The following CEP63 variants were observed in gnomAD, a reference collection of about 807,000 sequenced individuals.
CEP63 encodes centrosomal protein 63, also known as centrosomal protein of 63 kDa.
Under a neutral mutation model 89.1 loss-of-function variants are expected in CEP63, and 84 were observed. That is an observed-to-expected ratio of 0.94 (90% CI 0.79 to 1.13). CEP63 has a LOEUF of 1.13. CEP63 is among the 50% of genes most tolerant of loss of function. CEP63 has a pLI of 0.00. For synonymous variants in CEP63, 267 were observed against 272.5 expected (o/e 0.98, Z 0.20); for missense variants, 838 against 813.3 (o/e 1.03, Z -0.37).
intron 3 of CEP63, 104 bp downstream of exon 3, chr3:134,507,390 AGTTT>A (rs1164779437): frequency 2.0e-5 from 17 of 846,884 alleles, no homozygotes; most frequent in Non-Finnish European, 3.2e-5. Context: ...ATACCAAGTT[AGTTT>A]ATTGTTTTTT....
chr3:134,734,028 G>A, the CEP63 span, among the ~76,000 whole-genome samples: 8 of 152,138 alleles, frequency 5.3e-5, no homozygotes, highest in African/African-American at 1.9e-4. Flanking sequence ...TAGCCAATGT[G>A]ATTAGATATG....
intron 6 of CEP63, 101 bp downstream of exon 6, chr3:134,537,369 TTC>T (rs1348613689): frequency 7.8e-6 from 6 of 767,642 alleles, no homozygotes; most frequent in African/African-American, 1.7e-5. Flanking sequence ...CTCTTTCAGC[TTC>T]TCTCCACGAA....
At chr3:134,738,350 A>G in the CEP63 span, among the ~76,000 whole-genome samples, 1 of 151,784 alleles carries the variant, frequency 6.6e-6, no homozygotes, top group African/African-American at 2.4e-5. Flanking sequence ...TGATTTTGCA[A>G]TCGTGAATTG....
chr3:134,489,805 A>G (rs768793785), intron 1 of CEP63, among the ~76,000 whole-genome samples: 2 of 152,176 alleles, frequency 1.3e-5, no homozygotes, highest in African/African-American at 2.4e-5. Context: ...GCAGCCTCCA[A>G]AGGTAACCAT....
chr3:134,506,726 C>G (rs1275962787), intron 2 of CEP63, among the ~76,000 whole-genome samples: 2 of 151,924 alleles, frequency 1.3e-5, no homozygotes, highest in Non-Finnish European at 2.9e-5. Flanking sequence ...TCAAAACCAG[C>G]CTGGCCTACA....
At chr3:134,759,497 C>G in the CEP63 span, among the ~76,000 whole-genome samples, 2 of 152,206 alleles carry the variant, frequency 1.3e-5, no homozygotes, top group Middle Eastern at 3.2e-3. Flanking sequence ...GAGCAGGAAA[C>G]AGGCAGGCCC....
At chr3:134,691,082 T>C in the CEP63 span, among the ~76,000 whole-genome samples, 2 of 152,136 alleles carry the variant, frequency 1.3e-5, no homozygotes, top group Non-Finnish European at 2.9e-5. Context: ...TGGCTAAGCA[T>C]GGTGACTCAT....
intron 11 of CEP63, among the ~76,000 whole-genome samples, chr3:134,573,739 G>A (rs1347716476): frequency 6.6e-6 from 1 of 152,170 alleles, no homozygotes; most frequent in Non-Finnish European, 1.5e-5. Flanking sequence ...TTCTGGCTAA[G>A]TAAGAGCTTA....
the CEP63 span, among the ~76,000 whole-genome samples, chr3:134,724,785 A>G: frequency 6.6e-6 from 1 of 152,226 alleles, no homozygotes; most frequent in African/African-American, 2.4e-5. Context: ...GTAGGATGCT[A>G]TGCAGTTTCC....
chr3:134,773,183 C>T, the CEP63 span, among the ~76,000 whole-genome samples: 7 of 152,310 alleles, frequency 4.6e-5, no homozygotes, highest in Admixed American at 1.3e-4. Context: ...TCTCCTCCCC[C>T]ATCCAAGGCT....
chr3:134,647,548 A>C, the CEP63 span: 52 of 1,155,264 alleles, frequency 4.5e-5, no homozygotes, highest in South Asian at 5.4e-4. Context: ...CAAAAGAGTG[A>C]TGTACCAGTT....
At chr3:134,627,762 C>T in the CEP63 span, 1 of 1,613,686 alleles carries the variant, frequency 6.2e-7, no homozygotes, top group Non-Finnish European at 8.5e-7. Flanking sequence ...TTACCATGGG[C>T]ATCTTTCCCT....
the CEP63 span, chr3:134,608,894 C>T: frequency 2.6e-6 from 4 of 1,551,858 alleles, no homozygotes; most frequent in Non-Finnish European, 3.5e-6. Context: ...AGGCAGGGGC[C>T]CAATACACCC....
At chr3:134,581,506 G>C (rs986569831) in intron 10 of CEP63, among the ~76,000 whole-genome samples, 32 of 330 alleles carry the variant, frequency 0.097, no homozygotes, top group Non-Finnish European at 0.14. Flanking sequence ...CTTAAACCCA[G>C]GAGGCGGAGG....
the CEP63 span, chr3:134,651,084 C>T: frequency 2.6e-6 from 4 of 1,531,092 alleles, no homozygotes; most frequent in East Asian, 4.9e-5. Flanking sequence ...GGGCGCTCCC[C>T]CGCCGCTGGA....
At chr3:134,743,618 C>T in the CEP63 span, among the ~76,000 whole-genome samples, 2 of 152,122 alleles carry the variant, frequency 1.3e-5, no homozygotes, top group African/African-American at 4.8e-5. Context: ...TAGGGGTTCA[C>T]ATCCCATCTG....
rs1486088418 is a variant in CEP63 at position 134,486,444 on chromosome 3, C to G, written c.-26+242C>G. The G allele has an allele frequency of 5.1e-6, 5 of 985,496 alleles. No homozygotes were observed. The East Asian group carries it at 3.4e-4, about 67-fold the overall frequency. The allele number at this position is 985,496 out of a possible 1,614,324, so 61.0% of individuals were successfully genotyped here. On this transcript the variant is annotated intron_variant, in intron 1 of 14. Transcript: ENST00000675561. Reference sequence around the variant, plus strand: ...GTCCCTCGGCCTGGCCCGCTATGCCCTGCACACTGGCGGAGTCTGGCGTGG... The same window carrying G: ...GTCCCTCGGCCTGGCCCGCTATGCCGTGCACACTGGCGGAGTCTGGCGTGG...
chr3:134,676,564 G>T, the CEP63 span, among the ~76,000 whole-genome samples: 1 of 152,152 alleles, frequency 6.6e-6, no homozygotes, highest in African/African-American at 2.4e-5. Context: ...AAAACAAATT[G>T]TAAGGGTGAA....
intron 10 of CEP63, among the ~76,000 whole-genome samples, chr3:134,581,678 C>CTTTTTTTTTTT (rs1307921869): frequency 2.0e-3 from 37 of 18,518 alleles, no homozygotes; most frequent in African/African-American, 8.3e-3. Flanking sequence ...ATGATGAAAA[C>CTTTTTTTTTTT]ATTTTTTTTT....
Sources: allele counts gnomAD v4.1 joint callset (sites outside exome capture counted in the v4.1 genomes callset), GRCh38; gene constraint gnomAD v4.1.1; transcripts MANE v1.5; gene names NCBI Gene and HGNC (gene_info 2026-07-23, HGNC 2026-07-21).